The following GNG5 variants were observed in gnomAD, a reference collection of about 807,000 sequenced individuals.
The protein encoded by GNG5 is guanine nucleotide-binding protein G(I)/G(S)/G(O) subunit gamma-5.
A neutral mutation model predicts 6.2 loss-of-function variants in GNG5; 2 were observed. The observed-to-expected ratio is 0.32, with a 90% confidence interval of 0.13 to 1.01. The LOEUF (loss-of-function observed/expected upper bound fraction) is 1.01. GNG5 is among the 50% of genes least tolerant of loss of function. GNG5 has a pLI of 0.48. For synonymous variants in GNG5, 24 were observed against 33.0 expected (o/e 0.73, Z 0.93); for missense variants, 57 against 80.2 (o/e 0.71, Z 1.10).
At chr1:84,505,901 CA>C in intron 2 of GNG5, 109 bp downstream of exon 2, 1 of 755,260 alleles carries the variant, frequency 1.3e-6, no homozygotes, top group Non-Finnish European at 1.9e-6. Flanking sequence ...GCGTCCTCTC[CA>C]GGGGAAGCGA....
At chr1:84,505,831 G>A (rs1040221754) in intron 2 of GNG5, among the ~76,000 whole-genome samples, 180 bp downstream of exon 2, 7 of 152,188 alleles carry the variant, frequency 4.6e-5, no homozygotes, top group Non-Finnish European at 8.8e-5. Context: ...AAAACACAGC[G>A]TAGACCCACG....
At chr1:84,498,726 T>C (rs1681991944) in intron 3 of GNG5, among the ~76,000 whole-genome samples, 178 bp from the exon 4 acceptor site, 1 of 152,226 alleles carries the variant, frequency 6.6e-6, no homozygotes, top group African/African-American at 2.4e-5. Flanking sequence ...ATTCCTGTTT[T>C]ATAAACAGAC....
At chr1:84,503,405 A>C (rs546033006) in intron 2 of GNG5, among the ~76,000 whole-genome samples, 1 of 152,326 alleles carries the variant, frequency 6.6e-6, no homozygotes, top group African/African-American at 2.4e-5. Flanking sequence ...AGATGAATCT[A>C]AACGCTTATC....
At chr1:84,503,456 AAT>A (rs1682098564) in intron 2 of GNG5, among the ~76,000 whole-genome samples, 1 of 152,220 alleles carries the variant, frequency 6.6e-6, no homozygotes, top group Non-Finnish European at 1.5e-5. Context: ...AGTCCAGAGT[AAT>A]GAGTTCCATA....
chr1:84,505,968 C>T (rs778255479), intron 2 of GNG5, 43 bp downstream of exon 2: 6 of 1,381,978 alleles, frequency 4.3e-6, no homozygotes, highest in East Asian at 3.1e-5. Context: ...TCCCACCCGC[C>T]GCCGCCGCCT....
rs772994529 is a variant in GNG5, at chr1:84,506,111, C to G, written c.-20G>C. 1 of 1,568,462 alleles carries G rather than the reference C, an allele frequency of 6.4e-7. No homozygotes were observed. The highest frequency in any genetic ancestry group is 1.4e-5 in the African/African-American group (1 of 71,376). ...AGACATGGTGCACGCGACGGCCGGG[C>G]CGATTCGTGGGTCGGTGGGTCGTGG... On this transcript the variant is annotated 5_prime_UTR_variant, in exon 2 of 4. Transcript: ENST00000370645.
chr1:84,499,745 T>C (rs2101890316), intron 3 of GNG5, among the ~76,000 whole-genome samples: 1 of 152,330 alleles, frequency 6.6e-6, no homozygotes, highest in East Asian at 1.9e-4. Context: ...TCCTGTGTTA[T>C]TCTATTTTGT....
chr1:84,505,893 G>T (rs756538644), intron 2 of GNG5, 118 bp downstream of exon 2: 11 of 651,800 alleles, frequency 1.7e-5, no homozygotes, highest in South Asian at 1.5e-4. Flanking sequence ...CTGAGCGCGC[G>T]TCCTCTCCAG....
intron 2 of GNG5, among the ~76,000 whole-genome samples, chr1:84,505,461 C>A (rs1460909612): frequency 6.6e-6 from 1 of 152,200 alleles, no homozygotes; most frequent in East Asian, 1.9e-4. Flanking sequence ...AATGCTTATT[C>A]AATCCACAGT....
chr1:84,500,042 A>G (rs1682024157), intron 3 of GNG5, among the ~76,000 whole-genome samples: 1 of 152,218 alleles, frequency 6.6e-6, no homozygotes, highest in Non-Finnish European at 1.5e-5. Flanking sequence ...CAGTGAGCCG[A>G]GACTGCGCCA....
Position 84,505,982 on chromosome 1 carries a change from T to G in GNG5, c.81+29A>C. On this transcript the variant is annotated intron_variant, in intron 2 of 3. Coordinates refer to ENST00000370645, the MANE Select transcript of GNG5 (RefSeq NM_005274.3). ...ATCCCACCCGCCGCCGCCGCCTTCC[T>G]CCCGCCTCGGCCGCCCGCCCCCGCT... The G allele has an allele frequency of 2.8e-6, 4 of 1,421,568 alleles. No homozygotes were observed. In the South Asian group the frequency reaches 5.7e-5, roughly 20 times the overall value. 88.1% of individuals were successfully genotyped at this position (1,421,568 alleles called of 1,614,324 possible). A position where few individuals can be genotyped will look rare whatever the true frequency, so the allele number is the denominator to read the frequency against.
chr1:84,503,424 TTG>T (rs924098809), intron 2 of GNG5, among the ~76,000 whole-genome samples: 1 of 152,184 alleles, frequency 6.6e-6, no homozygotes, highest in African/African-American at 2.4e-5. Flanking sequence ...TCGAATCTAT[TTG>T]TGTGTTTTGC....
rs1682108092 is a variant in GNG5 at position 84,504,014 on chromosome 1, TG to T, written c.81+1996del. Reference sequence around the variant, plus strand: ...AACAAGCTGCTAGCCCCTAAGGCACTGTAACAATCACCATCCAGGAGGTTGA... The same window carrying T: ...AACAAGCTGCTAGCCCCTAAGGCACTTAACAATCACCATCCAGGAGGTTGA... On this transcript the variant is annotated intron_variant, in intron 2 of 3. Transcript: ENST00000370645. Among the ~76,000 whole-genome samples the T allele has an allele frequency of 3.3e-5, 5 of 152,316 alleles. No homozygotes were observed. The South Asian group carries it at 1.0e-3, about 32-fold the overall frequency.
chr1:84,503,033 T>C (rs1682088237), intron 2 of GNG5, among the ~76,000 whole-genome samples: 1 of 152,228 alleles, frequency 6.6e-6, no homozygotes, highest in Non-Finnish European at 1.5e-5. Flanking sequence ...AAAGGCAGGC[T>C]GCTCAGAAAA....
chr1:84,499,129 A>T (rs1430063208), intron 3 of GNG5, among the ~76,000 whole-genome samples: 1 of 152,232 alleles, frequency 6.6e-6, no homozygotes, highest in Non-Finnish European at 1.5e-5. Flanking sequence ...TAGAGTATAA[A>T]CTAAAAGATT....
chr1:84,505,946 T>C, intron 2 of GNG5, 65 bp downstream of exon 2: 1 of 1,133,160 alleles, frequency 8.8e-7, no homozygotes. Flanking sequence ...CCCCGCCAGC[T>C]GGGCCGCCGG....
intron 2 of GNG5, among the ~76,000 whole-genome samples, chr1:84,504,374 C>T (rs7547208): frequency 0.062 from 9,467 of 152,172 alleles, 402 homozygotes; most frequent in African/African-American, 0.11. Context: ...TTAATGATCC[C>T]GACCAGAACC....
At chr1:84,504,032 G>A (rs1378448735) in intron 2 of GNG5, among the ~76,000 whole-genome samples, 1 of 152,198 alleles carries the variant, frequency 6.6e-6, no homozygotes, top group African/African-American at 2.4e-5. Context: ...TCACCATCCA[G>A]GAGGTTGAAA....
At chr1:84,504,608 G>A (rs1168816850) in intron 2 of GNG5, among the ~76,000 whole-genome samples, 1 of 152,078 alleles carries the variant, frequency 6.6e-6, no homozygotes, top group African/African-American at 2.4e-5. Context: ...ACATTTAATG[G>A]TTACGAAATA....
Sources: gnomAD v4.1 joint callset for allele counts (sites outside exome capture counted in the v4.1 genomes callset) on GRCh38, gnomAD v4.1.1 for gene constraint, MANE v1.5 for transcripts, NCBI Gene and HGNC (gene_info 2026-07-23, HGNC 2026-07-21) for gene names.